SYNPR: variants seen among roughly 807,000 people sequenced by gnomAD.
SYNPR encodes synaptoporin.
In SYNPR, 23 loss-of-function variants were observed where a neutral mutation model predicts 32.9. The observed-to-expected ratio is 0.70, with a 90% CI of 0.50 to 0.99. The LOEUF (loss-of-function observed/expected upper bound fraction) is 0.99. Ranked by LOEUF, SYNPR falls within the 50% of genes least tolerant of loss-of-function variation. SYNPR has a pLI of 0.00. For missense variants in SYNPR, 318 were observed against 349.3 expected (o/e 0.91, Z 0.71); for synonymous variants, 146 against 135.9 (o/e 1.07, Z -0.52).
At chr3:63,240,405 A>G (rs1490219097) in intron 1 of SYNPR, among the ~76,000 whole-genome samples, 1 of 152,056 alleles carries the variant, frequency 6.6e-6, no homozygotes, top group Non-Finnish European at 1.5e-5. Context: ...AAAATGTTAC[A>G]GCATTCCCTA....
At chr3:63,292,607 A>C (rs1157781695) in intron 2 of SYNPR, among the ~76,000 whole-genome samples, 1 of 152,220 alleles carries the variant, frequency 6.6e-6, no homozygotes, top group African/African-American at 2.4e-5. Flanking sequence ...ACTAGCAGGC[A>C]TAATTATTGT....
intron 2 of SYNPR, among the ~76,000 whole-genome samples, chr3:63,315,652 G>T (rs2087032373): frequency 6.6e-6 from 1 of 151,872 alleles, no homozygotes; most frequent in East Asian, 1.9e-4. Context: ...AGTCCTTAGG[G>T]TTTTCAAGGT....
intron 2 of SYNPR, among the ~76,000 whole-genome samples, chr3:63,295,194 G>A (rs571346836): frequency 2.0e-5 from 3 of 148,422 alleles, no homozygotes; most frequent in Non-Finnish European, 4.4e-5. Flanking sequence ...GGGCTATGTC[G>A]GCCTCCCTGT....
intron 2 of SYNPR, among the ~76,000 whole-genome samples, chr3:63,466,193 G>A (rs1199735164): frequency 2.0e-5 from 3 of 152,000 alleles, no homozygotes; most frequent in African/African-American, 7.3e-5. Flanking sequence ...GTTTGCTAAG[G>A]ACGATAGCCT....
At position 63,278,851 on chromosome 3, in the gene SYNPR, A is replaced by G. The variant is rs971241657; in HGVS notation, c.84+109A>G. ...AGTTCTGCTCCAAGCCGGAGATTCA[A>G]CCCTCAAGCCGGGGATTTCAATCCT... On this transcript the variant is annotated intron_variant, in intron 2 of 5. Coordinates refer to ENST00000478300, the MANE Select transcript of SYNPR (RefSeq NM_001130003.2). The G allele has an allele frequency of 1.7e-5, 21 of 1,234,574 alleles. No individual in the cohort carries two copies. The Admixed American group carries it at 3.8e-4, about 22-fold the overall frequency. 76.5% of individuals were successfully genotyped at this position (1,234,574 alleles called of 1,614,324 possible).
chr3:63,370,991 C>T (rs73108988), intron 2 of SYNPR, among the ~76,000 whole-genome samples: 34,941 of 152,024 alleles, frequency 0.23, 4,609 homozygotes, highest in South Asian at 0.31. Context: ...ACAGAAGAAA[C>T]AGTGGTGAGT....
chr3:63,340,435 T>TTC lies in SYNPR; in HGVS notation c.84+61694_84+61695insCT, dbSNP rs1346971540. Among the ~76,000 whole-genome samples the TTC allele has an allele frequency of 2.0e-5, 3 of 150,030 alleles. No homozygotes were observed. In the East Asian group the frequency reaches 5.8e-4, roughly 29 times the overall value. The stretch of plus-strand genomic sequence containing the variant: ...AAAAAATGTATTTTTTTTTTTTTTT[T>TTC]TTGAGACGGAGTCTCACTCTGTTGC... On this transcript the variant is annotated intron_variant, in intron 2 of 5. Transcript: ENST00000478300.
intron 2 of SYNPR, among the ~76,000 whole-genome samples, chr3:63,440,535 G>A (rs1057435539): frequency 1.3e-5 from 2 of 152,154 alleles, no homozygotes; most frequent in East Asian, 3.9e-4. Context: ...GGTCCACAGG[G>A]AGGTGACAGA....
chr3:63,478,984 G>A (rs1321020812), intron 2 of SYNPR, among the ~76,000 whole-genome samples: 2 of 152,132 alleles, frequency 1.3e-5, no homozygotes, highest in African/African-American at 4.8e-5. Context: ...AGAGCATTTG[G>A]TCATGAGGAG....
At chr3:63,429,271 A>G (rs1017574672) in intron 2 of SYNPR, among the ~76,000 whole-genome samples, 1 of 152,210 alleles carries the variant, frequency 6.6e-6, no homozygotes, top group Non-Finnish European at 1.5e-5. Context: ...TCATAAACCA[A>G]TGTAGCCTTC....
intron 4 of SYNPR, among the ~76,000 whole-genome samples, chr3:63,594,505 C>T (rs1015426999): frequency 2.0e-5 from 3 of 152,068 alleles, no homozygotes; most frequent in African/African-American, 2.4e-5. Flanking sequence ...TAAAAGCAAT[C>T]GTGTTTTTAT....
At position 63,472,667 on chromosome 3, in the gene SYNPR, A is replaced by C. The variant is rs539957805; in HGVS notation, c.85-8165A>C. 3.9e-5 allele frequency among the ~76,000 whole-genome samples: 6 copies of C among 152,252 alleles called. No homozygotes were observed. The South Asian group carries it at 1.0e-3, about 26-fold the overall frequency. ...GATGCTGAAGCATGGTCCTGTTGGC[A>C]AAGGATTTGCCTATTGTCTGGGGAA... On this transcript the variant is annotated intron_variant, in intron 2 of 5. Coordinates refer to ENST00000478300, the MANE Select transcript of SYNPR (RefSeq NM_001130003.2).
intron 3 of SYNPR, among the ~76,000 whole-genome samples, chr3:63,500,238 C>T (rs530568469): frequency 6.6e-6 from 1 of 152,120 alleles, no homozygotes; most frequent in Admixed American, 6.5e-5. Flanking sequence ...ACGATAATAC[C>T]CTTGAAACAA....
chr3:63,224,690 G>T (rs891837872), upstream of SYNPR, among the ~76,000 whole-genome samples: 8 of 152,154 alleles, frequency 5.3e-5, no homozygotes, highest in African/African-American at 1.9e-4. Flanking sequence ...ATTATGCAGA[G>T]GAGTTTGGGC....
chr3:63,211,913 T>C, the SYNPR span, among the ~76,000 whole-genome samples: 1 of 102,900 alleles, frequency 9.7e-6, no homozygotes, highest in Admixed American at 1.1e-4. Flanking sequence ...CCTGTGTCCA[T>C]GTGATCTCAT....
rs1291277941 is a variant in SYNPR at position 63,484,809 on chromosome 3, G to A, written c.209+3853G>A. ...TTTGTGATTTGAATAAAAACAAGAA[G>A]AAAGCAAAGTTCAGACTGTTTGGAG... On this transcript the variant is annotated intron_variant, in intron 3 of 5. Coordinates refer to ENST00000478300, the MANE Select transcript of SYNPR (RefSeq NM_001130003.2). Among the ~76,000 whole-genome samples the A allele has an allele frequency of 3.3e-5, 5 of 152,210 alleles. No individual in the cohort carries two copies. In the East Asian group the frequency reaches 7.7e-4, roughly 23 times the overall value.
intron 5 of SYNPR, among the ~76,000 whole-genome samples, 156 bp downstream of exon 5, chr3:63,609,472 T>G (rs1241006329): frequency 1.1e-4 from 16 of 152,210 alleles, no homozygotes; most frequent in Non-Finnish European, 1.5e-5. Context: ...GATGATCACT[T>G]GGCCCTCAGG....
chr3:63,239,122 A>T (rs1319476772), intron 1 of SYNPR, among the ~76,000 whole-genome samples: 1 of 152,214 alleles, frequency 6.6e-6, no homozygotes, highest in East Asian at 1.9e-4. Flanking sequence ...CTGAGCTGTG[A>T]TATCTGTTTT....
At chr3:63,439,433 T>G (rs1700132244) in intron 2 of SYNPR, among the ~76,000 whole-genome samples, 1 of 152,172 alleles carries the variant, frequency 6.6e-6, no homozygotes, top group Admixed American at 6.5e-5. Flanking sequence ...CAGTTCCAAT[T>G]CTATGATAGA....
Sources: allele counts gnomAD v4.1 joint callset (sites outside exome capture counted in the v4.1 genomes callset), GRCh38; gene constraint gnomAD v4.1.1; transcripts MANE v1.5; gene names NCBI Gene and HGNC (gene_info 2026-07-23, HGNC 2026-07-21).